Variants in ERBB4 observed in about 807,000 individuals in gnomAD.
ERBB4 encodes the protein receptor tyrosine-protein kinase erbB-4.
In ERBB4, 42 loss-of-function variants were observed where a neutral mutation model predicts 158.0. The observed-to-expected ratio is 0.27, with a 90% CI of 0.21 to 0.34. The LOEUF is 0.34. Among genes scored for constraint, ERBB4 ranks in the 10% least tolerant of loss-of-function variants. The pLI is 1.00. For synonymous variants in ERBB4, 583 were observed against 558.7 expected, an observed-to-expected ratio of 1.04 and a Z score of -0.61; for missense variants, 1,333 against 1,624.1, an observed-to-expected ratio of 0.82 and a Z score of 3.08.
intron 1 of ERBB4, among the ~76,000 whole-genome samples, chr2:212,510,509 G>A: frequency 6.6e-6 from 1 of 151,788 alleles, no homozygotes; most frequent in Admixed American, 6.6e-5. Flanking sequence ...ATAATCCAAT[G>A]ATATGATTTT....
rs1265057935 is a variant in ERBB4, at chr2:211,772,957, T to TATA, written c.556+15067_556+15068insTAT. Among the ~76,000 whole-genome samples the TATA allele has an allele frequency of 7.3e-4, 83 of 113,880 alleles. 5 individuals are homozygous for TATA. The highest frequency in any genetic ancestry group is 1.6e-3 in the African/African-American group (44 of 27,420). The allele number at this position is 113,880 out of a possible 152,430, so 74.7% of individuals were successfully genotyped here. On this transcript the variant is annotated intron_variant, in intron 4 of 27. Transcript: ENST00000342788. ...TATATATATATATATATATATATAT[T>TATA]TTTTTTTTTAAAGATGGGGTCCTAC...
At chr2:211,448,467 T>TACACAC (rs3067955) in intron 20 of ERBB4, among the ~76,000 whole-genome samples, 18,206 of 149,546 alleles carry the variant, frequency 0.12, 1,325 homozygotes, top group East Asian at 0.31. Flanking sequence ...CCCAAACAGA[T>TACACAC]ACACACACAC....
chr2:211,729,602 T>C (rs912024561), intron 5 of ERBB4, among the ~76,000 whole-genome samples: 17 of 151,912 alleles, frequency 1.1e-4, no homozygotes, highest in Admixed American at 3.9e-4. Context: ...AAAGGCACCA[T>C]AGAGTAAATT....
intron 1 of ERBB4, among the ~76,000 whole-genome samples, chr2:212,286,887 G>A (rs867380998): frequency 6.8e-6 from 1 of 147,932 alleles, no homozygotes; most frequent in Admixed American, 6.9e-5. Flanking sequence ...CTGGGATTAC[G>A]GGCGTGAGCC....
At chr2:212,401,339 G>A (rs957584582) in intron 1 of ERBB4, among the ~76,000 whole-genome samples, 11 of 152,058 alleles carry the variant, frequency 7.2e-5, no homozygotes, top group African/African-American at 2.7e-4. Flanking sequence ...TATATGAAAA[G>A]ATAAAACCCA....
At chr2:212,177,280 G>A (rs1251868381) in intron 1 of ERBB4, among the ~76,000 whole-genome samples, 2 of 151,524 alleles carry the variant, frequency 1.3e-5, no homozygotes, top group Non-Finnish European at 2.9e-5. Flanking sequence ...TTTAAAATTT[G>A]CAATATTTTT....
chr2:212,005,523 T>C (rs1157068113), intron 2 of ERBB4, among the ~76,000 whole-genome samples: 2 of 152,152 alleles, frequency 1.3e-5, no homozygotes, highest in African/African-American at 2.4e-5. Context: ...AAGGAAGGCT[T>C]TCTGGAGGAG....
chr2:212,376,235 A>G (rs1374360075), intron 1 of ERBB4, among the ~76,000 whole-genome samples: 1 of 152,018 alleles, frequency 6.6e-6, no homozygotes, highest in East Asian at 1.9e-4. Flanking sequence ...TACAACAGGA[A>G]ATGAAACATG....
intron 2 of ERBB4, among the ~76,000 whole-genome samples, chr2:212,010,711 C>T (rs1158842164): frequency 6.6e-6 from 1 of 152,018 alleles, no homozygotes; most frequent in Non-Finnish European, 1.5e-5. Flanking sequence ...ACAAATTTAC[C>T]AGGGTGGAGT....
chr2:211,542,712 C>T (rs1252155066), intron 20 of ERBB4, among the ~76,000 whole-genome samples: 1 of 151,644 alleles, frequency 6.6e-6, no homozygotes, highest in Non-Finnish European at 1.5e-5. Context: ...TTTTTAATCT[C>T]CCATTATATT....
chr2:212,057,376 C>T (rs1240498064), intron 2 of ERBB4, among the ~76,000 whole-genome samples: 2 of 152,124 alleles, frequency 1.3e-5, no homozygotes, highest in Non-Finnish European at 2.9e-5. Context: ...ATCAATGAGA[C>T]AGAAAGTTAA....
intron 1 of ERBB4, among the ~76,000 whole-genome samples, chr2:212,246,197 T>A (rs1181320744): frequency 6.6e-6 from 1 of 152,228 alleles, no homozygotes; most frequent in East Asian, 1.9e-4. Flanking sequence ...AACAGTCAAA[T>A]AAATTTAACT....
intron 1 of ERBB4, among the ~76,000 whole-genome samples, chr2:212,417,125 C>T (rs16848520): frequency 0.17 from 26,486 of 152,010 alleles, 2,659 homozygotes; most frequent in African/African-American, 0.27. Flanking sequence ...TTTTGAACTA[C>T]ATACTATCAG....
At chr2:211,708,193 G>C (rs2073524248) in intron 9 of ERBB4, among the ~76,000 whole-genome samples, 1 of 151,952 alleles carries the variant, frequency 6.6e-6, no homozygotes, top group African/African-American at 2.4e-5. Flanking sequence ...TAATTCTATA[G>C]CCATACTTTC....
rs758398569 is a variant in ERBB4, at chr2:212,263,194, G to T, written c.83-138291C>A. Among the ~76,000 whole-genome samples the T allele has an allele frequency of 2.2e-4, 33 of 152,086 alleles. 1 individual carries two copies. The highest frequency in any genetic ancestry group is 1.0e-4 in the Non-Finnish European group (7 of 68,030). On this transcript the variant is annotated intron_variant, in intron 1 of 27. Coordinates refer to ENST00000342788, the MANE Select transcript of ERBB4 (RefSeq NM_005235.3). ...CACCACCAGAAGCGAGGAGAGAAAC[G>T]TGTGACAGGTTCTGCTTGAGAGCTT...
intron 1 of ERBB4, among the ~76,000 whole-genome samples, chr2:212,255,386 A>G (rs1226827937): frequency 6.6e-6 from 1 of 152,160 alleles, no homozygotes; most frequent in African/African-American, 2.4e-5. Flanking sequence ...AAAAATCCAT[A>G]ATATTATACT....
chr2:211,520,588 T>A (rs1476462596), intron 20 of ERBB4, among the ~76,000 whole-genome samples: 2 of 152,088 alleles, frequency 1.3e-5, no homozygotes, highest in African/African-American at 4.8e-5. Context: ...GTATTTATTA[T>A]CTGGCTTGTT....
rs183395738 is a variant in ERBB4 at position 212,068,186 on chromosome 2, T to A, written c.234+56566A>T. 2.5e-3 allele frequency among the ~76,000 whole-genome samples: 387 copies of A among 152,156 alleles called. 1 individual carries two copies. The highest frequency in any genetic ancestry group is 9.0e-3 in the African/African-American group (372 of 41,556). On this transcript the variant is annotated intron_variant, in intron 2 of 27. Transcript: ENST00000342788. ...CAATGTTTGTATGCAGCCATCTGTC[T>A]AACATCAAATGGTCTCTGTCCAGCC... is the stretch of plus-strand genomic sequence containing the variant.
At position 211,848,040 on chromosome 2, in the gene ERBB4, C is replaced by A. The variant is rs371780423; in HGVS notation, c.422-59881G>T. On this transcript the variant is annotated intron_variant, in intron 3 of 27. Coordinates refer to ENST00000342788, the MANE Select transcript of ERBB4 (RefSeq NM_005235.3). ...CAAACCCAGGCCGTCTGGCTTAAGA[C>A]CCCATGTTCCTAATTCTCCAGACTA... 2.6e-5 allele frequency among the ~76,000 whole-genome samples: 4 copies of A among 152,076 alleles called. No homozygotes were observed. In the East Asian group the frequency reaches 7.7e-4, roughly 29 times the overall value.
Sources: allele counts gnomAD v4.1 joint callset (sites outside exome capture counted in the v4.1 genomes callset), GRCh38; gene constraint gnomAD v4.1.1; transcripts MANE v1.5; gene names NCBI Gene and HGNC (gene_info 2026-07-23, HGNC 2026-07-21).